Variants in CR1L observed in about 807,000 individuals in gnomAD.
The protein encoded by CR1L is complement component receptor 1-like protein.
In CR1L, 59 loss-of-function variants were observed where a neutral mutation model predicts 62.3. That is an observed-to-expected ratio of 0.95 (90% CI 0.77 to 1.18). The LOEUF (loss-of-function observed/expected upper bound fraction) is 1.18, where lower values mean the gene tolerates loss of function less well. Among genes scored for constraint, CR1L ranks in the 50% most tolerant of loss-of-function variants. The pLI is 0.00. For missense variants in CR1L, 700 were observed against 702.8 expected (o/e 1.00, Z 0.04); for synonymous variants, 279 against 248.7 (o/e 1.12, Z -1.15).
chr1:207,669,090 A>G (rs564559238), intron 1 of CR1L: 3 of 240,700 alleles, frequency 1.2e-5, no homozygotes, highest in African/African-American at 2.4e-5. Flanking sequence ...AAAGTCAAGC[A>G]GGGTGTTTGG....
chr1:207,695,165 A>T (rs146627170), intron 5 of CR1L, among the ~76,000 whole-genome samples: 69 of 152,216 alleles, frequency 4.5e-4, no homozygotes, highest in African/African-American at 1.6e-3. Flanking sequence ...TTGATCTGTC[A>T]CTCAAGTTGG....
At chr1:207,701,683 A>G (rs1438737048) in intron 9 of CR1L, 65 bp downstream of exon 9, 2 of 1,605,710 alleles carry the variant, frequency 1.2e-6, no homozygotes, top group Non-Finnish European at 1.7e-6. Context: ...TTCTAGCCAC[A>G]TCTCAGGAAG....
chr1:207,684,290 T>C (rs1663858244), intron 4 of CR1L, among the ~76,000 whole-genome samples: 1 of 152,168 alleles, frequency 6.6e-6, no homozygotes, highest in Non-Finnish European at 1.5e-5. Flanking sequence ...TTTTAAAAAT[T>C]GATACTCTTC....
intron 1 of CR1L, among the ~76,000 whole-genome samples, chr1:207,654,473 A>G (rs952394707): frequency 4.6e-5 from 7 of 152,222 alleles, no homozygotes; most frequent in African/African-American, 1.4e-4. Flanking sequence ...GAAATACCAA[A>G]TAATAGAATT....
chr1:207,694,103 A>G (rs1048346341), intron 4 of CR1L, among the ~76,000 whole-genome samples: 4 of 152,240 alleles, frequency 2.6e-5, no homozygotes, highest in Non-Finnish European at 5.9e-5. Context: ...TACTATAATC[A>G]AAGGGCTATT....
At chr1:207,693,513 T>A (rs1172408623) in intron 4 of CR1L, among the ~76,000 whole-genome samples, 1 of 152,366 alleles carries the variant, frequency 6.6e-6, no homozygotes, top group South Asian at 2.1e-4. Flanking sequence ...TCTCCTCTCA[T>A]GGCAGGACTT....
intron 1 of CR1L, among the ~76,000 whole-genome samples, chr1:207,647,339 C>T (rs568976641): frequency 7.2e-5 from 11 of 152,322 alleles, no homozygotes; most frequent in South Asian, 4.1e-4. Flanking sequence ...CTCCCCATGA[C>T]CTGCTGCATA....
At chr1:207,717,433 T>A (rs755781061) in intron 10 of CR1L, 31 bp from the exon 11 acceptor site, 52 of 1,604,524 alleles carry the variant, frequency 3.2e-5, no homozygotes, top group Non-Finnish European at 4.3e-5. Flanking sequence ...GAAACTCTAA[T>A]AGAACTTAAA....
intron 1 of CR1L, among the ~76,000 whole-genome samples, chr1:207,673,464 G>A (rs950090675): frequency 3.9e-5 from 6 of 152,270 alleles, no homozygotes; most frequent in African/African-American, 1.2e-4. Flanking sequence ...AGTGTACTTC[G>A]GGTTGACAGC....
intron 1 of CR1L, among the ~76,000 whole-genome samples, chr1:207,654,780 C>G (rs1461477500): frequency 6.6e-6 from 1 of 152,166 alleles, no homozygotes; most frequent in African/African-American, 2.4e-5. Context: ...GTGATTTACC[C>G]AAGCTCAAGA....
chr1:207,682,542 T>C (rs1465945939), intron 3 of CR1L, among the ~76,000 whole-genome samples: 1 of 152,196 alleles, frequency 6.6e-6, no homozygotes, highest in Non-Finnish European at 1.5e-5. Flanking sequence ...AATGTAACAA[T>C]GTGTCAAGTG....
At chr1:207,719,799 T>C (rs1285159375) in intron 11 of CR1L, among the ~76,000 whole-genome samples, 1 of 152,110 alleles carries the variant, frequency 6.6e-6, no homozygotes, top group African/African-American at 2.4e-5. Flanking sequence ...GATAGTATTC[T>C]TATTGTCTCA....
intron 7 of CR1L, 71 bp from the exon 8 acceptor site, chr1:207,699,118 G>T (rs185821584): frequency 1.9e-6 from 3 of 1,598,444 alleles, no homozygotes; most frequent in Non-Finnish European, 2.6e-6. Flanking sequence ...ATTGGGGCTG[G>T]GCCTTAGATT....
chr1:207,684,113 C>A (rs1197461706), intron 4 of CR1L, 156 bp downstream of exon 4: 2 of 571,008 alleles, frequency 3.5e-6, no homozygotes, highest in South Asian at 4.2e-5. Flanking sequence ...GGGTTCCTGG[C>A]AACTCTTTCT....
chr1:207,653,117 C>A, intron 1 of CR1L: 1 of 182,082 alleles, frequency 5.5e-6, no homozygotes, highest in South Asian at 1.3e-4. Context: ...TTTACATGGC[C>A]AAGCAGTCCT....
At chr1:207,710,154 G>T (rs1321232566) in intron 10 of CR1L, among the ~76,000 whole-genome samples, 1 of 152,242 alleles carries the variant, frequency 6.6e-6, no homozygotes, top group East Asian at 1.9e-4. Context: ...GACCAGCATG[G>T]CCAACATGAC....
At chr1:207,663,635 G>C (rs145187473) in intron 1 of CR1L, among the ~76,000 whole-genome samples, 1 of 152,160 alleles carries the variant, frequency 6.6e-6, no homozygotes, top group African/African-American at 2.4e-5. Flanking sequence ...TGCACAGTGC[G>C]CTGCACCCAC....
intron 9 of CR1L, among the ~76,000 whole-genome samples, chr1:207,707,803 C>CACACACACAT (rs1369777974): frequency 6.6e-6 from 1 of 150,878 alleles, no homozygotes; most frequent in Non-Finnish European, 1.5e-5. Flanking sequence ...CACACACACA[C>CACACACACAT]ACACACACAC....
chr1:207,714,495 C>G (rs568016822), intron 10 of CR1L, among the ~76,000 whole-genome samples: 8 of 152,248 alleles, frequency 5.3e-5, no homozygotes, highest in African/African-American at 1.2e-4. Flanking sequence ...CCGGGATCCG[C>G]CCCATCTGCC....
Sources: gnomAD v4.1 joint callset for allele counts (sites outside exome capture counted in the v4.1 genomes callset) on GRCh38, gnomAD v4.1.1 for gene constraint, MANE v1.5 for transcripts, NCBI Gene and HGNC (gene_info 2026-07-23, HGNC 2026-07-21) for gene names.